DTWD2: variants seen among roughly 807,000 people sequenced by gnomAD.
DTWD2 encodes the protein DTW motif tRNA-uridine aminocarboxypropyltransferase 2.
Under a neutral mutation model 31.8 loss-of-function variants are expected in DTWD2, and 39 were observed. The ratio of observed to expected loss-of-function variants is 1.22; its 90% CI spans 0.95 to 1.60. DTWD2 has a LOEUF of 1.60. Ranked by LOEUF, DTWD2 falls within the 40% of genes most tolerant of loss-of-function variation. The probability of loss-of-function intolerance (pLI) is 0.00; values close to 1 mark genes in which losing one functional copy is unlikely to be tolerated. For synonymous variants in DTWD2, 180 were observed against 142.8 expected (o/e 1.26, Z -1.86); for missense variants, 515 against 381.5 (o/e 1.35, Z -2.92).
intron 4 of DTWD2, among the ~76,000 whole-genome samples, chr5:118,907,051 T>A (rs192935845): frequency 8.5e-5 from 13 of 152,310 alleles, no homozygotes; most frequent in African/African-American, 3.1e-4. Context: ...TTTCTTCACC[T>A]GGAAATTTTC....
chr5:118,892,204 T>G (rs1352004127), intron 4 of DTWD2, among the ~76,000 whole-genome samples: 1 of 152,156 alleles, frequency 6.6e-6, no homozygotes, highest in Non-Finnish European at 1.5e-5. Flanking sequence ...ATTTAATCTA[T>G]ATTTAGATTT....
chr5:118,924,449 C>T (rs1753769067), intron 4 of DTWD2, among the ~76,000 whole-genome samples: 1 of 152,168 alleles, frequency 6.6e-6, no homozygotes, highest in South Asian at 2.1e-4. Flanking sequence ...AGTCGAAATT[C>T]TGTCAGTTAC....
intron 5 of DTWD2, among the ~76,000 whole-genome samples, chr5:118,842,292 C>A (rs1181346924): frequency 6.6e-6 from 1 of 152,042 alleles, no homozygotes; most frequent in African/African-American, 2.4e-5. Flanking sequence ...CACTAATGAC[C>A]CAATCTATCC....
chr5:118,891,090 A>G (rs1194858137), intron 4 of DTWD2, among the ~76,000 whole-genome samples: 2 of 151,312 alleles, frequency 1.3e-5, no homozygotes, highest in African/African-American at 4.8e-5. Context: ...TCCAGATGCA[A>G]TGGAAGAGAT....
intron 4 of DTWD2, among the ~76,000 whole-genome samples, chr5:118,886,985 C>T (rs1264527695): frequency 6.6e-6 from 1 of 151,916 alleles, no homozygotes; most frequent in African/African-American, 2.4e-5. Flanking sequence ...GGAAAAGTAC[C>T]GTGTTTATCT....
chr5:118,874,451 C>T (rs1752576889), intron 4 of DTWD2, among the ~76,000 whole-genome samples: 1 of 152,092 alleles, frequency 6.6e-6, no homozygotes, highest in Non-Finnish European at 1.5e-5. Flanking sequence ...TGCAAGGAAG[C>T]TAAAAATCAT....
chr5:118,918,571 T>C (rs944694497), intron 4 of DTWD2, among the ~76,000 whole-genome samples: 1 of 152,104 alleles, frequency 6.6e-6, no homozygotes, highest in Non-Finnish European at 1.5e-5. Context: ...AAGCAATATC[T>C]GAAGCTACCA....
In DTWD2 at chr5:118,988,177, A is replaced by T. The variant is rs1188527682; in HGVS notation, c.218+117T>A. 6 of 1,298,766 alleles carry T rather than the reference A, an allele frequency of 4.6e-6. No homozygotes were observed. The African/African-American group carries it at 8.7e-5, about 19-fold the overall frequency. The allele number at this position is 1,298,766 out of a possible 1,614,324, so 80.5% of individuals were successfully genotyped here. A position where few individuals can be genotyped will look rare whatever the true frequency, so the allele number is the denominator to read the frequency against. ...CCGAGATTTCCAACGTGCACCCGCC[A>T]ACTCCGCCGCCCTAATCGCAGAGCT... On this transcript the variant is annotated intron_variant, in intron 1 of 5. Coordinates refer to ENST00000510708, the MANE Select transcript of DTWD2 (RefSeq NM_173666.4).
intron 3 of DTWD2, among the ~76,000 whole-genome samples, chr5:118,932,737 A>G (rs1403073700): frequency 6.6e-6 from 1 of 152,196 alleles, no homozygotes; most frequent in African/African-American, 2.4e-5. Flanking sequence ...AGGGCAACCA[A>G]CTGTAAGCCA....
rs1436015110 is a variant in DTWD2 at position 118,836,990 on chromosome 5, T to A, written c.*3927A>T. On this transcript the variant is annotated 3_prime_UTR_variant, in exon 6 of 6. Transcript: ENST00000510708. Reference sequence around the variant, plus strand: ...GTCAGGGATTTCCAGATTTCCTGAATAATTTTTAAATATAAAATTGTAAAC... The same window carrying A: ...GTCAGGGATTTCCAGATTTCCTGAAAAATTTTTAAATATAAAATTGTAAAC... 6.6e-6 allele frequency among the ~76,000 whole-genome samples: 1 copy of A among 152,252 alleles called. No individual in the cohort carries two copies. The highest frequency in any genetic ancestry group is 1.5e-5 in the Non-Finnish European group (1 of 68,046).
At chr5:118,871,525 T>G (rs1361606320) in intron 4 of DTWD2, among the ~76,000 whole-genome samples, 3 of 152,260 alleles carry the variant, frequency 2.0e-5, no homozygotes, top group African/African-American at 7.2e-5. Context: ...GAAAGGACGT[T>G]GTATCAGCAG....
At chr5:118,979,362 C>G (rs1755240707) in intron 1 of DTWD2, among the ~76,000 whole-genome samples, 1 of 151,924 alleles carries the variant, frequency 6.6e-6, no homozygotes. Context: ...ACAACAGATG[C>G]TGGTGAGGTT....
Position 118,837,011 on chromosome 5 carries a change from TA to T in DTWD2, c.*3905del, listed in dbSNP as rs1325536143. On this transcript the variant is annotated 3_prime_UTR_variant, in exon 6 of 6. Coordinates refer to ENST00000510708, the MANE Select transcript of DTWD2 (RefSeq NM_173666.4). ...TGAATAATTTTTAAATATAAAATTGTAAACTGTTAAGACCACTACAGTATCT... is the reference window on the plus strand; with the variant it reads ...TGAATAATTTTTAAATATAAAATTGTAACTGTTAAGACCACTACAGTATCT... Among the ~76,000 whole-genome samples the T allele has an allele frequency of 6.6e-6, 1 of 152,214 alleles. No homozygotes were observed. Among genetic ancestry groups the T allele is most frequent in the Non-Finnish European group, 1.5e-5 (1 of 68,040 alleles).
chr5:118,910,900 T>G (rs115210929), intron 4 of DTWD2, among the ~76,000 whole-genome samples: 2,006 of 152,222 alleles, frequency 0.013, 39 homozygotes, highest in African/African-American at 0.046. Flanking sequence ...AAGGCACACA[T>G]AAGCTCCCTC....
At chr5:118,936,096 C>T (rs1754039418) in intron 3 of DTWD2, among the ~76,000 whole-genome samples, 1 of 152,140 alleles carries the variant, frequency 6.6e-6, no homozygotes. Context: ...TCTAAAACTT[C>T]CCCAAATATC....
chr5:118,907,389 G>C (rs1753357924), intron 4 of DTWD2, among the ~76,000 whole-genome samples: 1 of 152,136 alleles, frequency 6.6e-6, no homozygotes, highest in Non-Finnish European at 1.5e-5. Flanking sequence ...ATTGACACAT[G>C]ATTATGGAGG....
At chr5:118,912,638 T>C (rs1753482762) in intron 4 of DTWD2, among the ~76,000 whole-genome samples, 1 of 141,906 alleles carries the variant, frequency 7.0e-6, no homozygotes, top group East Asian at 1.9e-4. Context: ...TCAGAGCAAA[T>C]GTCAGCTCCT....
At chr5:118,865,893 C>T (rs1752370097) in intron 4 of DTWD2, among the ~76,000 whole-genome samples, 1 of 152,148 alleles carries the variant, frequency 6.6e-6, no homozygotes, top group Non-Finnish European at 1.5e-5. Flanking sequence ...GACCTTACCT[C>T]TCTTGTAGAC....
intron 4 of DTWD2, among the ~76,000 whole-genome samples, chr5:118,923,303 G>C (rs932333211): frequency 8.5e-5 from 13 of 152,180 alleles, no homozygotes; most frequent in African/African-American, 3.1e-4. Context: ...CAGGGCGCCA[G>C]AGCGAGGCCA....
Sources: allele counts gnomAD v4.1 joint callset (sites outside exome capture counted in the v4.1 genomes callset), GRCh38; gene constraint gnomAD v4.1.1; transcripts MANE v1.5; gene names NCBI Gene and HGNC (gene_info 2026-07-23, HGNC 2026-07-21).